DOCK5: variants seen among roughly 807,000 people sequenced by gnomAD.
DOCK5 encodes the protein dedicator of cytokinesis 5.
In DOCK5, 142 loss-of-function variants were observed where a neutral mutation model predicts 251.8. That is an observed-to-expected ratio of 0.56 (90% CI 0.49 to 0.65). The LOEUF is 0.65. Among genes scored for constraint, DOCK5 ranks in the 30% least tolerant of loss-of-function variants. The pLI is 0.00. For missense variants in DOCK5, 2,111 were observed against 2,312.3 expected, an observed-to-expected ratio of 0.91 and a Z score of 1.79; for synonymous variants, 842 against 835.5, an observed-to-expected ratio of 1.01 and a Z score of -0.13.
chr8:25,391,192 C>T (rs1356210472), intron 42 of DOCK5, among the ~76,000 whole-genome samples: 1 of 145,922 alleles, frequency 6.9e-6, no homozygotes, highest in African/African-American at 2.6e-5. Flanking sequence ...CATACACCAC[C>T]ACACCTGTGT....
intron 6 of DOCK5, among the ~76,000 whole-genome samples, chr8:25,295,860 T>C (rs1202863777): frequency 1.3e-5 from 2 of 152,126 alleles, no homozygotes; most frequent in African/African-American, 4.8e-5. Flanking sequence ...TGCTTTCTCA[T>C]GCAGGCTAGA....
chr8:25,285,150 T>TA (rs1171832535), intron 5 of DOCK5, among the ~76,000 whole-genome samples: 1 of 150,026 alleles, frequency 6.7e-6, no homozygotes, highest in Non-Finnish European at 1.5e-5. Flanking sequence ...AATTTATTAT[T>TA]ATTTTTTTTT....
intron 5 of DOCK5, among the ~76,000 whole-genome samples, chr8:25,280,062 G>T (rs1281370161): frequency 6.6e-6 from 1 of 152,174 alleles, no homozygotes; most frequent in South Asian, 2.1e-4. Context: ...ACTGTGCCCC[G>T]CCCACAAAGA....
At chr8:25,275,656 A>G (rs375255898) in intron 4 of DOCK5, among the ~76,000 whole-genome samples, 90 of 152,164 alleles carry the variant, frequency 5.9e-4, no homozygotes, top group African/African-American at 2.0e-3. Context: ...CCAACATGGT[A>G]AAACCCCCAT....
Position 25,259,051 on chromosome 8 carries a change from C to T in DOCK5, c.128-9794C>T, listed in dbSNP as rs540473192. 4.6e-5 allele frequency among the ~76,000 whole-genome samples: 7 copies of T among 152,134 alleles called. No homozygotes were observed. The East Asian group carries it at 1.4e-3, about 29-fold the overall frequency. On this transcript the variant is annotated intron_variant, in intron 2 of 51. Transcript: ENST00000276440. The stretch of plus-strand genomic sequence containing the variant: ...GGAGAATTGCTTGAGCCCGGGGGGG[C>T]GGAGGTTGCAGTGAGGTGAAATCAT...
chr8:25,311,871 A>G (rs1276561242), intron 13 of DOCK5, among the ~76,000 whole-genome samples: 4 of 151,034 alleles, frequency 2.6e-5, no homozygotes, highest in Admixed American at 6.6e-5. Context: ...TCAGTGAGCT[A>G]TGATCGCACC....
intron 30 of DOCK5, among the ~76,000 whole-genome samples, chr8:25,365,186 A>G (rs1193448814): frequency 2.0e-5 from 3 of 152,206 alleles, no homozygotes; most frequent in African/African-American, 7.2e-5. Context: ...TCATTTACTT[A>G]TCCATTCATC....
chr8:25,396,626 T>G (rs901735865), intron 45 of DOCK5, among the ~76,000 whole-genome samples: 1 of 152,160 alleles, frequency 6.6e-6, no homozygotes, highest in African/African-American at 2.4e-5. Context: ...GGTTAAATAT[T>G]TTTTGAATAT....
chr8:25,408,246 G>T, intron 49 of DOCK5, 92 bp downstream of exon 49: 1 of 1,364,302 alleles, frequency 7.3e-7, no homozygotes, highest in Non-Finnish European at 9.8e-7. Context: ...CCAGATTGAA[G>T]CTGGGCTATG....
chr8:25,273,760 G>C (rs947181484), intron 3 of DOCK5, among the ~76,000 whole-genome samples: 1 of 152,168 alleles, frequency 6.6e-6, no homozygotes, highest in African/African-American at 2.4e-5. Flanking sequence ...CATTGAGAAA[G>C]TGTCCTGTCT....
At chr8:25,234,794 G>A (rs535514256) in intron 1 of DOCK5, among the ~76,000 whole-genome samples, 9 of 152,102 alleles carry the variant, frequency 5.9e-5, no homozygotes, top group East Asian at 1.9e-4. Flanking sequence ...TGTATTTAGC[G>A]GCCTGCAATA....
rs71214555 is a variant in DOCK5, at chr8:25,197,750, ATTTTT to A, written c.43+12813_43+12817del. ...AGGTACATGCAACCATGCCAAGCTA[ATTTTT>A]TTTTTTTTTTTTTGAGACGGAGTCT... On this transcript the variant is annotated intron_variant, in intron 1 of 51. Transcript: ENST00000276440. Among the ~76,000 whole-genome samples, 4 of 95,762 alleles carry A rather than the reference ATTTTT, an allele frequency of 4.2e-5. 1 individual carries two copies. The highest frequency in any genetic ancestry group is 6.2e-5 in the Non-Finnish European group (3 of 48,066). The allele number at this position is 95,762 out of a possible 152,430, so 62.8% of individuals were successfully genotyped here.
At chr8:25,366,764 C>A in intron 30 of DOCK5, 106 bp from the exon 31 acceptor site, 2 of 757,098 alleles carry the variant, frequency 2.6e-6, no homozygotes, top group Non-Finnish European at 4.2e-6. Flanking sequence ...TTTGTTCTTT[C>A]ATTAATCTCT....
intron 11 of DOCK5, 155 bp downstream of exon 11, chr8:25,304,482 A>T: frequency 1.7e-6 from 1 of 600,852 alleles, no homozygotes; most frequent in South Asian, 2.7e-5. Context: ...AGAAGACTTT[A>T]TTCAAAGTCC....
At chr8:25,409,015 C>G in intron 50 of DOCK5, 75 bp downstream of exon 50, 1 of 1,585,264 alleles carries the variant, frequency 6.3e-7, no homozygotes, top group Non-Finnish European at 8.7e-7. Context: ...CAGTTTGTAA[C>G]TAAACCAGCC....
intron 2 of DOCK5, among the ~76,000 whole-genome samples, chr8:25,244,658 G>A (rs1470264031): frequency 6.6e-6 from 1 of 152,212 alleles, no homozygotes; most frequent in African/African-American, 2.4e-5. Context: ...CCCCGTGCAG[G>A]TTCCTAGGGT....
At chr8:25,270,860 G>T in intron 3 of DOCK5, 1 of 703,592 alleles carries the variant, frequency 1.4e-6, no homozygotes, top group Non-Finnish European at 2.6e-6. Context: ...AAATGGCATA[G>T]TATTTGCATA....
In DOCK5 at chr8:25,235,677, G is replaced by C. The variant is rs146509515; in HGVS notation, c.44-7997G>C. Among the ~76,000 whole-genome samples, 789 of 152,130 alleles carry C rather than the reference G, an allele frequency of 5.2e-3. 5 individuals carry two copies. The highest frequency in any genetic ancestry group is 0.018 in the African/African-American group (760 of 41,510). On this transcript the variant is annotated intron_variant, in intron 1 of 51. Coordinates refer to ENST00000276440, the MANE Select transcript of DOCK5 (RefSeq NM_024940.8). ...CTAAGTCATCACTTGCTGCCAGTGA[G>C]GCAATCAAGAAACAATATTTGAGTT...
At position 25,323,959 on chromosome 8, in the gene DOCK5, T is replaced by TA; in HGVS notation, c.1719+10dup. 1 of 1,600,500 alleles carries TA rather than the reference T, an allele frequency of 6.2e-7. No homozygotes were observed. The highest frequency in any genetic ancestry group is 1.1e-5 in the South Asian group (1 of 88,810). On this transcript the variant is annotated intron_variant, in intron 17 of 51. Coordinates refer to ENST00000276440, the MANE Select transcript of DOCK5 (RefSeq NM_024940.8). ...GATCTGGTGGTTTATAAGGTGGTGC[T>TA]AACAGAAAATGGCTGAGAAAAATAC...
Sources: gnomAD v4.1 joint callset for allele counts (sites outside exome capture counted in the v4.1 genomes callset) on GRCh38, gnomAD v4.1.1 for gene constraint, MANE v1.5 for transcripts, NCBI Gene and HGNC (gene_info 2026-07-23, HGNC 2026-07-21) for gene names.